The following EXOC4 variants were observed in gnomAD, a reference collection of about 807,000 sequenced individuals.
The protein encoded by EXOC4 is SEC8-like 1.
Under a neutral mutation model 107.2 loss-of-function variants are expected in EXOC4, and 71 were observed. The observed-to-expected ratio is 0.66, with a 90% CI of 0.55 to 0.81. EXOC4 has a LOEUF of 0.81. Ranked by LOEUF, EXOC4 falls within the 30% of genes least tolerant of loss-of-function variation. The pLI is 0.00. For missense variants in EXOC4, 1,108 were observed against 1,189.6 expected (o/e 0.93, Z 1.01); for synonymous variants, 456 against 441.2 (o/e 1.03, Z -0.42).
chr7:133,854,415 C>G (rs1230514532), intron 11 of EXOC4, among the ~76,000 whole-genome samples: 1 of 144,698 alleles, frequency 6.9e-6, no homozygotes, highest in Non-Finnish European at 1.5e-5. Context: ...AGAGCACACA[C>G]ACACACACAC....
intron 10 of EXOC4, among the ~76,000 whole-genome samples, chr7:133,815,797 A>AT (rs1797354805): frequency 6.6e-6 from 1 of 152,136 alleles, no homozygotes; most frequent in South Asian, 2.1e-4. Context: ...CAGTCTGGCT[A>AT]TGCCTCTCCA....
chr7:133,400,439 G>C (rs755948435), intron 7 of EXOC4, among the ~76,000 whole-genome samples: 4 of 152,196 alleles, frequency 2.6e-5, no homozygotes, highest in Non-Finnish European at 5.9e-5. Context: ...CATGTAATAA[G>C]TTACTTCCTA....
intron 15 of EXOC4, among the ~76,000 whole-genome samples, chr7:134,002,844 C>T (rs1320849726): frequency 6.6e-6 from 1 of 152,046 alleles, no homozygotes; most frequent in East Asian, 1.9e-4. Flanking sequence ...GGATGTGGAA[C>T]AACTGGAACT....
At chr7:133,437,990 C>T (rs1798014456) in intron 7 of EXOC4, among the ~76,000 whole-genome samples, 1 of 152,162 alleles carries the variant, frequency 6.6e-6, no homozygotes, top group South Asian at 2.1e-4. Context: ...AAAAGCTCCT[C>T]TTCTCTTGTC....
intron 9 of EXOC4, among the ~76,000 whole-genome samples, chr7:133,575,447 C>T (rs1324581253): frequency 6.6e-6 from 1 of 152,068 alleles, no homozygotes; most frequent in African/African-American, 2.4e-5. Flanking sequence ...TAATTGTGGA[C>T]CTATAACGTA....
chr7:133,748,567 A>G (rs145217245), intron 10 of EXOC4, among the ~76,000 whole-genome samples: 1 of 152,188 alleles, frequency 6.6e-6, no homozygotes, highest in African/African-American at 2.4e-5. Context: ...TATGGCTATG[A>G]TTTATTACAG....
chr7:133,722,869 G>A (rs1332884250), intron 10 of EXOC4, among the ~76,000 whole-genome samples: 1 of 152,200 alleles, frequency 6.6e-6, no homozygotes, highest in Non-Finnish European at 1.5e-5. Context: ...CCATGTGGAT[G>A]TAGTAGCAGG....
At position 133,424,199 on chromosome 7, in the gene EXOC4, T is replaced by A. The variant is rs1797670723; in HGVS notation, c.1182+49197T>A. Reference sequence around the variant, plus strand: ...CTTCCACGCTCTGGTAGCTTTCTCTTTGTAATAAATTTTGCTGCTGCTCAC... The same window carrying A: ...CTTCCACGCTCTGGTAGCTTTCTCTATGTAATAAATTTTGCTGCTGCTCAC... On this transcript the variant is annotated intron_variant, in intron 7 of 17. Coordinates refer to ENST00000253861, the MANE Select transcript of EXOC4 (RefSeq NM_021807.4). Among the ~76,000 whole-genome samples, 5 of 152,040 alleles carry A rather than the reference T, an allele frequency of 3.3e-5. No individual in the cohort carries two copies. The South Asian group carries it at 6.2e-4, about 19-fold the overall frequency.
chr7:133,328,815 G>C (rs574518307), intron 5 of EXOC4, among the ~76,000 whole-genome samples: 1 of 152,226 alleles, frequency 6.6e-6, no homozygotes, highest in African/African-American at 2.4e-5. Context: ...TTCCCATTGT[G>C]GGTAACCCAG....
At chr7:133,606,744 G>A (rs995741428) in intron 9 of EXOC4, among the ~76,000 whole-genome samples, 4 of 151,886 alleles carry the variant, frequency 2.6e-5, no homozygotes, top group Non-Finnish European at 4.4e-5. Flanking sequence ...TCGAACTCCC[G>A]ACCTCAGGTG....
At chr7:133,929,814 CTCTT>C (rs1265670150) in intron 13 of EXOC4, among the ~76,000 whole-genome samples, 1 of 152,114 alleles carries the variant, frequency 6.6e-6, no homozygotes, top group Non-Finnish European at 1.5e-5. Flanking sequence ...TCACATCTCT[CTCTT>C]CCTTCCTCCT....
intron 10 of EXOC4, among the ~76,000 whole-genome samples, chr7:133,794,630 G>T (rs1796775120): frequency 6.6e-6 from 1 of 152,092 alleles, no homozygotes; most frequent in South Asian, 2.1e-4. Flanking sequence ...CAGCCCAGAT[G>T]TTCCTTCTGT....
At chr7:133,850,606 A>G (rs1465170722) in intron 11 of EXOC4, among the ~76,000 whole-genome samples, 2 of 151,814 alleles carry the variant, frequency 1.3e-5, no homozygotes, top group Non-Finnish European at 2.9e-5. Context: ...ACGTTCAGAC[A>G]TGAGAGGGCT....
At chr7:134,006,979 T>C (rs902185417) in intron 16 of EXOC4, among the ~76,000 whole-genome samples, 1 of 152,264 alleles carries the variant, frequency 6.6e-6, no homozygotes, top group Admixed American at 6.5e-5. Flanking sequence ...AGCAAACTAC[T>C]TGTGGGGGGG....
At chr7:133,333,804 G>C (rs559987462) in intron 5 of EXOC4, among the ~76,000 whole-genome samples, 3 of 152,242 alleles carry the variant, frequency 2.0e-5, no homozygotes, top group African/African-American at 7.2e-5. Flanking sequence ...TTTCAATAGT[G>C]AGAAACCTGG....
In EXOC4 at chr7:133,265,073, G is replaced by A. The variant is rs371575637; in HGVS notation, c.87-9909G>A. On this transcript the variant is annotated intron_variant, in intron 1 of 17. Coordinates refer to ENST00000253861, the MANE Select transcript of EXOC4 (RefSeq NM_021807.4). Reference sequence around the variant, plus strand: ...GTTTGGGAAAGAAAACAGGATTTATGTTGTAAAGAATCACATCAGCTCTAG... The same window carrying A: ...GTTTGGGAAAGAAAACAGGATTTATATTGTAAAGAATCACATCAGCTCTAG... Among the ~76,000 whole-genome samples the A allele has an allele frequency of 1.6e-3, 244 of 152,274 alleles. 12 individuals are homozygous for A. In the South Asian group the frequency reaches 0.048, roughly 30 times the overall value.
At chr7:133,740,877 A>G (rs1430363629) in intron 10 of EXOC4, among the ~76,000 whole-genome samples, 1 of 152,178 alleles carries the variant, frequency 6.6e-6, no homozygotes, top group Admixed American at 6.5e-5. Context: ...ACATCCTCAC[A>G]TTAGAATTCA....
At chr7:133,910,136 G>A (rs1025064789) in intron 12 of EXOC4, among the ~76,000 whole-genome samples, 1 of 151,992 alleles carries the variant, frequency 6.6e-6, no homozygotes, top group Non-Finnish European at 1.5e-5. Flanking sequence ...TGGCCAGGCT[G>A]GTCTCAAACT....
intron 10 of EXOC4, among the ~76,000 whole-genome samples, chr7:133,762,652 G>A (rs1231171149): frequency 6.6e-6 from 1 of 152,012 alleles, no homozygotes; most frequent in Non-Finnish European, 1.5e-5. Context: ...TAGCAATAGG[G>A]AACGTAAGTT....
Sources: allele counts gnomAD v4.1 joint callset (sites outside exome capture counted in the v4.1 genomes callset), GRCh38; gene constraint gnomAD v4.1.1; transcripts MANE v1.5; gene names NCBI Gene and HGNC (gene_info 2026-07-23, HGNC 2026-07-21).